Variants in CNTNAP5 observed in about 807,000 individuals in gnomAD.
CNTNAP5 encodes the protein contactin associated protein family member 5.
Under a neutral mutation model 150.2 loss-of-function variants are expected in CNTNAP5, and 72 were observed. The ratio of observed to expected loss-of-function variants is 0.48; its 90% confidence interval spans 0.40 to 0.58. The LOEUF (loss-of-function observed/expected upper bound fraction) is 0.58. Among genes scored for constraint, CNTNAP5 ranks in the 20% least tolerant of loss-of-function variants. The pLI is 0.00. For synonymous variants in CNTNAP5, 672 were observed against 619.8 expected (o/e 1.08, Z -1.25); for missense variants, 1,636 against 1,626.2 (o/e 1.01, Z -0.10).
chr2:124,325,813 A>G (rs1209200352), intron 3 of CNTNAP5, among the ~76,000 whole-genome samples: 5 of 152,170 alleles, frequency 3.3e-5, no homozygotes, highest in Admixed American at 3.3e-4. Flanking sequence ...GCCTTAACTC[A>G]TATTCATTTA....
chr2:124,052,064 A>C (rs944794632), intron 1 of CNTNAP5, among the ~76,000 whole-genome samples: 3 of 152,208 alleles, frequency 2.0e-5, no homozygotes, highest in Non-Finnish European at 2.9e-5. Flanking sequence ...CACATAGATG[A>C]AATGATGCAT....
chr2:124,674,971 T>G (rs1395660313), intron 13 of CNTNAP5, among the ~76,000 whole-genome samples: 1 of 152,092 alleles, frequency 6.6e-6, no homozygotes, highest in Non-Finnish European at 1.5e-5. Context: ...TGGAGTTTTC[T>G]ATTGATGTAT....
chr2:124,371,341 C>G (rs1690520619), intron 3 of CNTNAP5, among the ~76,000 whole-genome samples: 1 of 152,124 alleles, frequency 6.6e-6, no homozygotes, highest in Admixed American at 6.6e-5. Flanking sequence ...CTTAGTCTAC[C>G]AAAGTATGTA....
At chr2:124,554,715 C>T (rs1244524622) in intron 10 of CNTNAP5, among the ~76,000 whole-genome samples, 2 of 152,172 alleles carry the variant, frequency 1.3e-5, no homozygotes, top group Non-Finnish European at 2.9e-5. Context: ...AGCCACTGAG[C>T]TCAGCCTTAC....
chr2:124,799,978 A>C (rs1199667772), intron 19 of CNTNAP5, among the ~76,000 whole-genome samples: 1 of 152,188 alleles, frequency 6.6e-6, no homozygotes, highest in Non-Finnish European at 1.5e-5. Flanking sequence ...CCTTTATGTG[A>C]TTATGATTAG....
In CNTNAP5 at chr2:124,719,321, G is replaced by A. The variant is rs138799759; in HGVS notation, c.2078-27908G>A. Among the ~76,000 whole-genome samples the A allele has an allele frequency of 4.5e-3, 679 of 152,222 alleles. 1 individual carries two copies. The highest frequency in any genetic ancestry group is 7.6e-3 in the Non-Finnish European group (518 of 67,998). On this transcript the variant is annotated intron_variant, in intron 13 of 23. Coordinates refer to ENST00000682447, the MANE Select transcript of CNTNAP5 (RefSeq NM_001367498.1). ...AATGTTTAATTCCTCATTGTCTCTTGTAGTATGCACACAAAGATTTTTAAT... is the reference window on the plus strand; with the variant it reads ...AATGTTTAATTCCTCATTGTCTCTTATAGTATGCACACAAAGATTTTTAAT...
At chr2:124,878,558 A>G (rs1459659746) in intron 21 of CNTNAP5, among the ~76,000 whole-genome samples, 1 of 152,084 alleles carries the variant, frequency 6.6e-6, no homozygotes. Context: ...TATGTAACAA[A>G]GCTTAAATTT....
intron 1 of CNTNAP5, among the ~76,000 whole-genome samples, chr2:124,158,432 T>C (rs1684596465): frequency 6.6e-6 from 1 of 152,198 alleles, no homozygotes; most frequent in Non-Finnish European, 1.5e-5. Flanking sequence ...GAGTGACTTA[T>C]AGTACCTAAT....
intron 3 of CNTNAP5, among the ~76,000 whole-genome samples, chr2:124,409,894 A>C (rs1398403047): frequency 2.6e-5 from 4 of 151,456 alleles, no homozygotes; most frequent in Non-Finnish European, 5.9e-5. Context: ...CTTTAAATGT[A>C]AATGGACTAA....
At chr2:124,115,700 G>A (rs1023766784) in intron 1 of CNTNAP5, among the ~76,000 whole-genome samples, 1 of 138,204 alleles carries the variant, frequency 7.2e-6, no homozygotes. Flanking sequence ...CCAGGTTGAC[G>A]TGAGGTGGTA....
intron 3 of CNTNAP5, among the ~76,000 whole-genome samples, chr2:124,274,313 G>A (rs965275512): frequency 6.6e-6 from 1 of 152,134 alleles, no homozygotes; most frequent in Non-Finnish European, 1.5e-5. Flanking sequence ...AAGTTATAAG[G>A]TACACTTTAA....
chr2:124,319,695 G>T (rs1689052921), intron 3 of CNTNAP5, among the ~76,000 whole-genome samples: 1 of 152,186 alleles, frequency 6.6e-6, no homozygotes, highest in East Asian at 1.9e-4. Flanking sequence ...GGGCAAGCTG[G>T]TATATTGCAG....
intron 3 of CNTNAP5, among the ~76,000 whole-genome samples, chr2:124,368,024 C>T (rs903694074): frequency 6.6e-6 from 1 of 152,126 alleles, no homozygotes; most frequent in African/African-American, 2.4e-5. Context: ...GTCTATAATT[C>T]AGTTATATGG....
chr2:124,914,313 T>A lies in CNTNAP5; in HGVS notation c.*25T>A, dbSNP rs1161286333. The A allele has an allele frequency of 6.5e-7, 1 of 1,532,996 alleles. No homozygotes were observed. 95.0% of individuals were successfully genotyped at this position (1,532,996 alleles called of 1,614,324 possible). On this transcript the variant is annotated 3_prime_UTR_variant, in exon 24 of 24. Transcript: ENST00000682447. ...AGAAACTGCAGGGTTCCTACTACTCTTTTTTCTTGTTGTTCAATTATCTCC... is the reference window on the plus strand; with the variant it reads ...AGAAACTGCAGGGTTCCTACTACTCATTTTTCTTGTTGTTCAATTATCTCC...
At chr2:124,164,767 C>T (rs1242901229) in intron 1 of CNTNAP5, among the ~76,000 whole-genome samples, 1 of 152,130 alleles carries the variant, frequency 6.6e-6, no homozygotes, top group Admixed American at 6.6e-5. Context: ...AATCATAAGA[C>T]ACTGGAGGCT....
At chr2:124,170,830 T>C (rs1355224250) in intron 1 of CNTNAP5, among the ~76,000 whole-genome samples, 2 of 151,292 alleles carry the variant, frequency 1.3e-5, no homozygotes, top group Non-Finnish European at 2.9e-5. Context: ...GAAGAACAAA[T>C]AGACAGAGGG....
intron 8 of CNTNAP5, among the ~76,000 whole-genome samples, chr2:124,522,649 A>T (rs964860018): frequency 2.6e-5 from 4 of 152,148 alleles, no homozygotes; most frequent in African/African-American, 9.7e-5. Context: ...GTTTGGGAAA[A>T]GTGCTCTTCA....
chr2:124,603,978 T>C (rs2104977163), intron 11 of CNTNAP5, among the ~76,000 whole-genome samples: 1 of 152,214 alleles, frequency 6.6e-6, no homozygotes, highest in East Asian at 1.9e-4. Context: ...AAAAGTCTTG[T>C]TTTTAGGCAA....
intron 17 of CNTNAP5, among the ~76,000 whole-genome samples, chr2:124,774,463 G>C (rs989847501): frequency 3.3e-5 from 5 of 152,124 alleles, no homozygotes; most frequent in Non-Finnish European, 7.4e-5. Context: ...CCCAGATCCA[G>C]CAGAAGCTAA....
Sources: allele counts gnomAD v4.1 joint callset (sites outside exome capture counted in the v4.1 genomes callset), GRCh38; gene constraint gnomAD v4.1.1; transcripts MANE v1.5; gene names NCBI Gene and HGNC (gene_info 2026-07-23, HGNC 2026-07-21).